The following MRPL37 variants were observed in gnomAD, a reference collection of about 807,000 sequenced individuals.
MRPL37 encodes the protein mitochondrial ribosomal protein L37, also known as large ribosomal subunit protein mL37.
Under a neutral mutation model 44.1 loss-of-function variants are expected in MRPL37, and 34 were observed. That is an observed-to-expected ratio of 0.77 (90% CI 0.59 to 1.03). MRPL37 has a LOEUF of 1.03. MRPL37 is among the 50% of genes least tolerant of loss of function. MRPL37 has a pLI of 0.00. For missense variants in MRPL37, 532 were observed against 543.7 expected, an observed-to-expected ratio of 0.98 and a Z score of 0.21; for synonymous variants, 212 against 219.5, an observed-to-expected ratio of 0.97 and a Z score of 0.30.
intron 4 of MRPL37, among the ~76,000 whole-genome samples, chr1:54,211,800 C>T (rs1223987466): frequency 6.6e-6 from 1 of 152,200 alleles, no homozygotes; most frequent in Non-Finnish European, 1.5e-5. Context: ...GCCTTCCCGA[C>T]GTCTTTCTTT....
downstream of MRPL37, chr1:54,220,558 G>A: frequency 2.3e-6 from 1 of 441,832 alleles, no homozygotes; most frequent in South Asian, 1.7e-5. Context: ...ACCACATGAT[G>A]CAGTGTGAAG....
At chr1:54,217,779 C>A (rs111848310) in intron 6 of MRPL37, among the ~76,000 whole-genome samples, 10 of 152,294 alleles carry the variant, frequency 6.6e-5, no homozygotes, top group African/African-American at 2.4e-4. Context: ...GAACCAGAGT[C>A]AAGTTACTGC....
At chr1:54,222,297 C>G (rs1400335607), downstream of MRPL37, among the ~76,000 whole-genome samples, 2 of 152,158 alleles carry the variant, frequency 1.3e-5, no homozygotes, top group African/African-American at 4.8e-5. Flanking sequence ...GAGGGGCCAT[C>G]TGAGCTAGGT....
chr1:54,220,662 C>A (rs1181295811), downstream of MRPL37: 5 of 471,834 alleles, frequency 1.1e-5, no homozygotes, highest in South Asian at 7.7e-5. Context: ...CGTCCTCACT[C>A]CCTCATTCAA....
intron 5 of MRPL37, among the ~76,000 whole-genome samples, chr1:54,215,828 A>G (rs1191467655): frequency 6.6e-6 from 1 of 151,362 alleles, no homozygotes; most frequent in Non-Finnish European, 1.5e-5. Flanking sequence ...TCTGTCATTA[A>G]CCCCCCAGCT....
At chr1:54,223,438 G>A (rs938294429), downstream of MRPL37, among the ~76,000 whole-genome samples, 3 of 152,198 alleles carry the variant, frequency 2.0e-5, no homozygotes, top group South Asian at 2.1e-4. Flanking sequence ...AGACTGGGGC[G>A]GGGGATTCCT....
chr1:54,209,922 A>G (rs748676732), intron 3 of MRPL37, 24 bp from the exon 4 acceptor site: 1 of 1,611,934 alleles, frequency 6.2e-7, no homozygotes, highest in South Asian at 1.1e-5. Context: ...ACCAGGTTAG[A>G]GTAACCATTT....
intron 1 of MRPL37, among the ~76,000 whole-genome samples, chr1:54,202,158 C>T (rs1208157906): frequency 6.6e-6 from 1 of 152,066 alleles, no homozygotes; most frequent in African/African-American, 2.4e-5. Flanking sequence ...CATGCCACCA[C>T]TCCCGGCTAG....
intron 4 of MRPL37, among the ~76,000 whole-genome samples, chr1:54,210,717 C>G (rs1032556104): frequency 6.6e-6 from 1 of 152,130 alleles, no homozygotes; most frequent in Non-Finnish European, 1.5e-5. Context: ...CCTCATAAAC[C>G]CCTTCATTGT....
chr1:54,223,515 C>T (rs1009680179), downstream of MRPL37, among the ~76,000 whole-genome samples: 11 of 152,208 alleles, frequency 7.2e-5, no homozygotes, highest in Admixed American at 2.0e-4. Flanking sequence ...TGGCCTAGCG[C>T]GTTAGTGGCT....
chr1:54,220,574 G>A (rs1158215883), downstream of MRPL37: 2 of 457,548 alleles, frequency 4.4e-6, no homozygotes, highest in Non-Finnish European at 9.1e-6. Flanking sequence ...TGAAGAGCTG[G>A]GAAGCTCGTG....
At chr1:54,211,255 C>T (rs1421312064) in intron 4 of MRPL37, among the ~76,000 whole-genome samples, 1 of 152,106 alleles carries the variant, frequency 6.6e-6, no homozygotes, top group Non-Finnish European at 1.5e-5. Context: ...TTGACATGTC[C>T]CTCCATACAG....
rs748340829 is a variant in MRPL37 at position 54,200,262 on chromosome 1, C to G, written c.19C>G (p.Pro7Ala). 10 of 1,587,716 alleles carry G rather than the reference C, an allele frequency of 6.3e-6. No individual in the cohort carries two copies. In the Admixed American group the frequency reaches 8.8e-5, roughly 14 times the overall value. Reference sequence around the variant, plus strand: ...GATCGGTATGGCATTGGCGTCCGGGCCCGCAAGGCGGGCGCTAGCTGGCTC... The same window carrying G: ...GATCGGTATGGCATTGGCGTCCGGGGCCGCAAGGCGGGCGCTAGCTGGCTC... MALASG[P>A]ARRALAGSGQ... is the part of the protein sequence containing the mutation. Residue 7 changes from proline to alanine, a missense_variant, in exon 1 of 7, where the codon CCC becomes GCC. Coordinates refer to ENST00000360840, the MANE Select transcript of MRPL37 (RefSeq NM_016491.4).
At position 54,212,583 on chromosome 1, in the gene MRPL37, A is replaced by G. The variant is rs1260513942; in HGVS notation, c.915A>G (p.Gln305=). The G allele has an allele frequency of 3.7e-6, 6 of 1,614,168 alleles. No homozygotes were observed. The highest frequency in any genetic ancestry group is 1.7e-5 in the Admixed American group (1 of 60,022). ...DKANLRPHRL[Q]PDQLRAKMIL... is the part of the protein sequence containing the mutation. The stretch of plus-strand genomic sequence containing the variant: ...CCAATTTACGACCACACCGCCTTCA[A>G]CCAGATCAGCTGCGGGCCAAGATGA... The change falls in exon 5 of 7, where the codon CAA becomes CAG. Residue 305 remains glutamine (Q), a synonymous_variant. Coordinates refer to ENST00000360840, the MANE Select transcript of MRPL37 (RefSeq NM_016491.4).
At chr1:54,209,718 C>G (rs1314481695) in intron 3 of MRPL37, among the ~76,000 whole-genome samples, 1 of 152,138 alleles carries the variant, frequency 6.6e-6, no homozygotes, top group Non-Finnish European at 1.5e-5. Context: ...CTCAGCCTCC[C>G]AAAGTGCTGG....
downstream of MRPL37, chr1:54,221,058 G>T: frequency 2.8e-6 from 1 of 352,330 alleles, no homozygotes. Flanking sequence ...CTGGCAAAAT[G>T]GGGATACAGC....
chr1:54,220,859 T>C (rs187634828), downstream of MRPL37: 4 of 464,938 alleles, frequency 8.6e-6, no homozygotes, highest in East Asian at 2.8e-4. Context: ...GGAAATGAAA[T>C]GGTGACATTC....
chr1:54,221,620 G>A (rs1425457270), downstream of MRPL37, among the ~76,000 whole-genome samples: 1 of 152,094 alleles, frequency 6.6e-6, no homozygotes, highest in Non-Finnish European at 1.5e-5. Context: ...AGGCATACAT[G>A]CGCGCACACA....
intron 5 of MRPL37, among the ~76,000 whole-genome samples, chr1:54,212,897 C>T (rs145683324): frequency 6.1e-4 from 93 of 152,258 alleles, no homozygotes; most frequent in Non-Finnish European, 1.1e-3. Context: ...TACTGAAGTC[C>T]CCACTTTCTA....
Sources: gnomAD v4.1 joint callset for allele counts (sites outside exome capture counted in the v4.1 genomes callset) on GRCh38, gnomAD v4.1.1 for gene constraint, MANE v1.5 for transcripts, NCBI Gene and HGNC (gene_info 2026-07-23, HGNC 2026-07-21) for gene names.